The following PTPRG variants were observed in gnomAD, a reference collection of about 807,000 sequenced individuals.
PTPRG encodes receptor-type tyrosine-protein phosphatase gamma.
PTPRG carries 102 observed loss-of-function variants against 165.3 expected under a neutral mutation model. The ratio of observed to expected loss-of-function variants is 0.62; its 90% CI spans 0.53 to 0.73. The LOEUF is 0.73. Among genes scored for constraint, PTPRG ranks in the 30% least tolerant of loss-of-function variants. The pLI is 0.00. For missense variants in PTPRG, 1,866 were observed against 1,861.4 expected, an observed-to-expected ratio of 1.00 and a Z score of -0.05; for synonymous variants, 675 against 669.5, an observed-to-expected ratio of 1.01 and a Z score of -0.13.
chr3:61,938,235 C>CTTTT (rs59553874), intron 2 of PTPRG, among the ~76,000 whole-genome samples: 3 of 135,322 alleles, frequency 2.2e-5, no homozygotes, highest in African/African-American at 8.2e-5. Context: ...TTTCTTTTTC[C>CTTTT]TTTTTTTTTT....
intron 1 of PTPRG, among the ~76,000 whole-genome samples, chr3:61,634,989 C>T (rs576993685): frequency 2.0e-5 from 3 of 152,186 alleles, no homozygotes; most frequent in Admixed American, 6.5e-5. Flanking sequence ...TGCAAATAGT[C>T]GACAGTGTAA....
intron 2 of PTPRG, among the ~76,000 whole-genome samples, chr3:61,957,325 T>A (rs2040054959): frequency 6.6e-6 from 1 of 152,262 alleles, no homozygotes; most frequent in African/African-American, 2.4e-5. Context: ...TAAATTATTT[T>A]GAAATATTTT....
chr3:62,069,133 TGAAG>T (rs1031041048), intron 4 of PTPRG, among the ~76,000 whole-genome samples: 9 of 152,214 alleles, frequency 5.9e-5, no homozygotes, highest in Admixed American at 3.9e-4. Context: ...CTTCTGGTCA[TGAAG>T]AAAGTCATCA....
intron 1 of PTPRG, among the ~76,000 whole-genome samples, chr3:61,693,510 G>T (rs2030357668): frequency 6.6e-6 from 1 of 152,290 alleles, no homozygotes; most frequent in Middle Eastern, 3.4e-3. Flanking sequence ...CTATTAGGGG[G>T]CTGGACTTGG....
At chr3:61,833,950 TCTTC>T (rs1405442667) in intron 2 of PTPRG, among the ~76,000 whole-genome samples, 2 of 152,210 alleles carry the variant, frequency 1.3e-5, no homozygotes, top group Non-Finnish European at 2.9e-5. Context: ...AAGTTATGGG[TCTTC>T]CTTATTTCTC....
chr3:61,849,422 T>A (rs138175369), intron 2 of PTPRG, among the ~76,000 whole-genome samples: 44 of 152,240 alleles, frequency 2.9e-4, no homozygotes, highest in Non-Finnish European at 6.0e-4. Flanking sequence ...TATGTGTAGG[T>A]GATGAAAAAG....
chr3:61,575,931 T>G (rs1254355811), intron 1 of PTPRG, among the ~76,000 whole-genome samples: 4 of 152,158 alleles, frequency 2.6e-5, no homozygotes, highest in Non-Finnish European at 5.9e-5. Context: ...CACAAAATTT[T>G]ATAAATGGTA....
At chr3:61,807,482 G>A (rs73841156) in intron 2 of PTPRG, among the ~76,000 whole-genome samples, 5,787 of 152,252 alleles carry the variant, frequency 0.038, 377 homozygotes, top group African/African-American at 0.13. Flanking sequence ...CTTTCATCAT[G>A]TAGAAGCTGA....
chr3:61,998,949 A>T (rs1258168212), intron 3 of PTPRG, among the ~76,000 whole-genome samples: 1 of 152,218 alleles, frequency 6.6e-6, no homozygotes, highest in Non-Finnish European at 1.5e-5. Context: ...AGATTAAGGC[A>T]CCAGCAGATT....
rs1056725317 is a variant in PTPRG, at chr3:61,624,991, T to C, written c.85+62619T>C. ...TGGAAGGGATGGATCTGTCCAACTT[T>C]CTTTTCTTTGGCTCGTGGATGGCTG... On this transcript the variant is annotated intron_variant, in intron 1 of 29. Coordinates refer to ENST00000474889, the MANE Select transcript of PTPRG (RefSeq NM_002841.4). Among the ~76,000 whole-genome samples, 4 of 152,150 alleles carry C rather than the reference T, an allele frequency of 2.6e-5. No homozygotes were observed. The East Asian group carries it at 7.8e-4, about 30-fold the overall frequency.
In PTPRG at chr3:62,203,079, C is replaced by CA. The variant is rs960865078; in HGVS notation, c.1378-92dup. On this transcript the variant is annotated intron_variant, in intron 11 of 29. Coordinates refer to ENST00000474889, the MANE Select transcript of PTPRG (RefSeq NM_002841.4). This position sits in a 1 kb window ranked among gnomAD's most constrained non-coding sequence, Gnocchi z 6.4. Reference sequence around the variant, plus strand: ...GATGAGTAAAATCCTCAGAGGGTGACAACCAGGGCCTCATTCCCAATCTCA... The same window carrying CA: ...GATGAGTAAAATCCTCAGAGGGTGACAAACCAGGGCCTCATTCCCAATCTCA... 2.0e-6 allele frequency: 3 copies of CA among 1,506,764 alleles called. No individual in the cohort carries two copies. In the African/African-American group the frequency reaches 4.2e-5, roughly 21 times the overall value. 93.3% of individuals were successfully genotyped at this position (1,506,764 alleles called of 1,614,324 possible). A position where few individuals can be genotyped will look rare whatever the true frequency, so the allele number is the denominator to read the frequency against.
chr3:62,165,645 G>T (rs1308536881), intron 7 of PTPRG, among the ~76,000 whole-genome samples: 2 of 152,280 alleles, frequency 1.3e-5, no homozygotes, highest in East Asian at 3.9e-4. Flanking sequence ...GGCTGCTTTG[G>T]CTTTTAGGCT....
chr3:61,740,132 CA>C (rs2032921417), intron 1 of PTPRG, among the ~76,000 whole-genome samples: 1 of 152,158 alleles, frequency 6.6e-6, no homozygotes, highest in Non-Finnish European at 1.5e-5. Flanking sequence ...AGAGATGCCA[CA>C]ATTGTAAAAT....
At chr3:62,287,493 ATACAT>A (rs1316658643) in intron 28 of PTPRG, among the ~76,000 whole-genome samples, 1 of 152,210 alleles carries the variant, frequency 6.6e-6, no homozygotes, top group African/African-American at 2.4e-5. Flanking sequence ...GAATGAGAAA[ATACAT>A]TAATTCATGA....
At chr3:61,711,312 G>A (rs187641549) in intron 1 of PTPRG, among the ~76,000 whole-genome samples, 83 of 152,270 alleles carry the variant, frequency 5.5e-4, no homozygotes, top group African/African-American at 2.0e-3. Flanking sequence ...GGGTCAGATG[G>A]TATTTCTGGT....
At chr3:61,700,002 A>C (rs995985390) in intron 1 of PTPRG, among the ~76,000 whole-genome samples, 1 of 152,108 alleles carries the variant, frequency 6.6e-6, no homozygotes, top group African/African-American at 2.4e-5. Context: ...CTTCAAGTTT[A>C]GGTCAGTGAT....
At chr3:62,117,451 A>G (rs1576022608) in intron 5 of PTPRG, among the ~76,000 whole-genome samples, 1 of 152,226 alleles carries the variant, frequency 6.6e-6, no homozygotes, top group Non-Finnish European at 1.5e-5. Flanking sequence ...GATCTGATTA[A>G]CACAACACTT....
chr3:61,890,790 T>C (rs1042319994), intron 2 of PTPRG, among the ~76,000 whole-genome samples: 60 of 152,316 alleles, frequency 3.9e-4, no homozygotes, highest in African/African-American at 1.3e-3. Flanking sequence ...GAGTCCTTTC[T>C]ACCTGCCATT....
In PTPRG at chr3:62,054,914, T is replaced by C. The variant is rs573181317; in HGVS notation, c.520-23249T>C. Reference sequence around the variant, plus strand: ...TATAGGCTTTAGTGGGAGCAAAAAGTAGACACCACTTCCATGTTTCCATGG... The same window carrying C: ...TATAGGCTTTAGTGGGAGCAAAAAGCAGACACCACTTCCATGTTTCCATGG... On this transcript the variant is annotated intron_variant, in intron 4 of 29. Transcript: ENST00000474889. Among the ~76,000 whole-genome samples the C allele has an allele frequency of 1.6e-3, 238 of 152,294 alleles. 1 individual carries two copies. Among genetic ancestry groups the C allele is most frequent in the African/African-American group, 5.5e-3 (227 of 41,574 alleles).
Sources: gnomAD v4.1 joint callset for allele counts (sites outside exome capture counted in the v4.1 genomes callset) on GRCh38, gnomAD v4.1.1 for gene constraint, Gnocchi (gnomAD v3.1) non-coding constraint, MANE v1.5 for transcripts, NCBI Gene and HGNC (gene_info 2026-07-23, HGNC 2026-07-21) for gene names.